Variants in SUPT3H observed in about 807,000 individuals in gnomAD.
SUPT3H encodes the protein transcription initiation protein SPT3 homolog.
In SUPT3H, 44 loss-of-function variants were observed where a neutral mutation model predicts 44.3. The observed-to-expected ratio is 0.99, with a 90% CI of 0.78 to 1.28. SUPT3H has a LOEUF of 1.28. Among genes scored for constraint, SUPT3H ranks in the 50% most tolerant of loss-of-function variants. The pLI is 0.00. For missense variants in SUPT3H, 380 were observed against 387.1 expected (o/e 0.98, Z 0.15); for synonymous variants, 124 against 125.6 (o/e 0.99, Z 0.09).
At chr6:45,131,361 T>C (rs1402038580) in intron 2 of SUPT3H, among the ~76,000 whole-genome samples, 1 of 152,180 alleles carries the variant, frequency 6.6e-6, no homozygotes, top group Admixed American at 6.5e-5. Flanking sequence ...CTATTCACTC[T>C]CAATTTACAC....
intron 6 of SUPT3H, among the ~76,000 whole-genome samples, chr6:44,978,992 T>C (rs1383218134): frequency 2.0e-5 from 3 of 152,214 alleles, no homozygotes; most frequent in African/African-American, 4.8e-5. Context: ...ATCCTGTTAA[T>C]ATTCTTTTCT....
At chr6:45,276,482 T>C (rs1459257962) in intron 2 of SUPT3H, among the ~76,000 whole-genome samples, 1 of 152,204 alleles carries the variant, frequency 6.6e-6, no homozygotes, top group African/African-American at 2.4e-5. Flanking sequence ...GCCCCAATTC[T>C]TCACCCCTCC....
At chr6:45,078,595 C>G (rs1583424718) in intron 3 of SUPT3H, among the ~76,000 whole-genome samples, 2 of 152,254 alleles carry the variant, frequency 1.3e-5, no homozygotes, top group South Asian at 4.1e-4. Context: ...TAAGTCTGGT[C>G]AAGTGGTGAT....
In SUPT3H at chr6:44,975,645, C is replaced by CA. The variant is rs1251413088; in HGVS notation, c.505-13818dup. On this transcript the variant is annotated intron_variant, in intron 6 of 10. Transcript: ENST00000371459. ...GGTACAGTGTACACTGCTCGGGTTA[C>CA]AGTGCACCAAAATCTTAGAAATCAC... is the stretch of plus-strand genomic sequence containing the variant. 6.9e-4 allele frequency among the ~76,000 whole-genome samples: 6 copies of CA among 8,644 alleles called. No individual in the cohort carries two copies. The African/African-American group carries it at 9.9e-3, about 14-fold the overall frequency. The allele number at this position is 8,644 out of a possible 152,430, so 5.7% of individuals were successfully genotyped here. A position where few individuals can be genotyped will look rare whatever the true frequency, so the allele number is the denominator to read the frequency against.
chr6:45,040,282 C>T (rs1353126463), intron 3 of SUPT3H, among the ~76,000 whole-genome samples: 3 of 152,068 alleles, frequency 2.0e-5, no homozygotes, highest in Non-Finnish European at 4.4e-5. Context: ...TTTGCTGACC[C>T]CTGGTCTACT....
intron 2 of SUPT3H, among the ~76,000 whole-genome samples, chr6:45,362,277 T>G (rs1794394486): frequency 6.6e-6 from 1 of 152,174 alleles, no homozygotes; most frequent in Non-Finnish European, 1.5e-5. Context: ...TACAATATTG[T>G]TACTTATTTA....
chr6:45,311,305 G>A (rs576258936), intron 2 of SUPT3H, among the ~76,000 whole-genome samples: 1 of 152,176 alleles, frequency 6.6e-6, no homozygotes, highest in Non-Finnish European at 1.5e-5. Flanking sequence ...AATACTCTGT[G>A]GAGAATGCAC....
At chr6:44,876,847 AAAAG>A (rs1235589376) in intron 10 of SUPT3H, among the ~76,000 whole-genome samples, 4 of 149,460 alleles carry the variant, frequency 2.7e-5, no homozygotes, top group South Asian at 2.1e-4. Flanking sequence ...AAAAAAAAAA[AAAAG>A]AAAAAGAAAA....
intron 10 of SUPT3H, among the ~76,000 whole-genome samples, chr6:44,885,411 G>T (rs576015943): frequency 6.6e-6 from 1 of 152,006 alleles, no homozygotes; most frequent in Non-Finnish European, 1.5e-5. Context: ...ACTCCTCTGA[G>T]ACAAAACTTC....
intron 2 of SUPT3H, among the ~76,000 whole-genome samples, chr6:45,220,299 C>T (rs768114143): frequency 7.9e-5 from 12 of 151,814 alleles, no homozygotes; most frequent in South Asian, 4.1e-4. Context: ...ATGTGCAACA[C>T]GGTTCAACAT....
At chr6:45,320,749 T>C (rs1785360108) in intron 2 of SUPT3H, among the ~76,000 whole-genome samples, 2 of 152,204 alleles carry the variant, frequency 1.3e-5, no homozygotes, top group African/African-American at 2.4e-5. Context: ...AGTGTGTCAA[T>C]TCCTGGTAGG....
chr6:45,181,440 A>T (rs1813159003), intron 2 of SUPT3H, among the ~76,000 whole-genome samples: 1 of 152,092 alleles, frequency 6.6e-6, no homozygotes, highest in African/African-American at 2.4e-5. Flanking sequence ...GGCATTATTC[A>T]CAATAGCATA....
intron 3 of SUPT3H, among the ~76,000 whole-genome samples, chr6:45,049,912 A>G (rs956948376): frequency 1.1e-4 from 17 of 152,174 alleles, no homozygotes; most frequent in African/African-American, 3.9e-4. Flanking sequence ...TCCATCAATA[A>G]AATAAGAACC....
intron 9 of SUPT3H, among the ~76,000 whole-genome samples, chr6:44,953,026 C>G (rs1432102372): frequency 6.6e-6 from 1 of 152,012 alleles, no homozygotes; most frequent in Non-Finnish European, 1.5e-5. Context: ...TTTCATCTCC[C>G]ATAAAAATAA....
intron 2 of SUPT3H, among the ~76,000 whole-genome samples, chr6:45,296,451 G>A (rs564471574): frequency 5.3e-5 from 8 of 151,854 alleles, no homozygotes; most frequent in African/African-American, 1.5e-4. Flanking sequence ...AAAAGACTAC[G>A]AACAGTGCCA....
chr6:44,886,359 G>A (rs1762291155), intron 10 of SUPT3H, among the ~76,000 whole-genome samples: 1 of 152,086 alleles, frequency 6.6e-6, no homozygotes, highest in African/African-American at 2.4e-5. Flanking sequence ...GTTAAGGGCA[G>A]CCAGAGAGAA....
intron 2 of SUPT3H, among the ~76,000 whole-genome samples, chr6:45,196,049 G>C (rs942682412): frequency 1.3e-5 from 2 of 151,982 alleles, no homozygotes; most frequent in Non-Finnish European, 2.9e-5. Context: ...ACACTAGCAC[G>C]CTAAAAATAT....
intron 2 of SUPT3H, among the ~76,000 whole-genome samples, chr6:45,151,298 A>G (rs1806932218): frequency 6.6e-6 from 1 of 152,120 alleles, no homozygotes; most frequent in East Asian, 1.9e-4. Flanking sequence ...TGTTGGGAAA[A>G]AACTATTCTA....
At chr6:44,880,335 A>C (rs915398472) in intron 10 of SUPT3H, among the ~76,000 whole-genome samples, 1 of 152,084 alleles carries the variant, frequency 6.6e-6, no homozygotes, top group Non-Finnish European at 1.5e-5. Context: ...TCAGAGATTG[A>C]AGATCAACTT....
Sources: allele counts gnomAD v4.1 joint callset (sites outside exome capture counted in the v4.1 genomes callset), GRCh38; gene constraint gnomAD v4.1.1; transcripts MANE v1.5; gene names NCBI Gene and HGNC (gene_info 2026-07-23, HGNC 2026-07-21).